Variants in ANKRD44 observed in about 807,000 individuals in gnomAD.
The protein encoded by ANKRD44 is ankyrin repeat domain 44.
In ANKRD44, 35 loss-of-function variants were observed where a neutral mutation model predicts 116.0. The observed-to-expected ratio is 0.30, with a 90% CI of 0.23 to 0.40. The LOEUF is 0.40. Among genes scored for constraint, ANKRD44 ranks in the 10% least tolerant of loss-of-function variants. ANKRD44 has a pLI of 1.00. For synonymous variants in ANKRD44, 435 were observed against 461.8 expected (o/e 0.94, Z 0.74); for missense variants, 1,014 against 1,242.6 (o/e 0.82, Z 2.77).
chr2:197,145,823 C>A (rs1344168828), intron 3 of ANKRD44, among the ~76,000 whole-genome samples: 1 of 152,156 alleles, frequency 6.6e-6, no homozygotes, highest in East Asian at 1.9e-4. Flanking sequence ...TGCTACAGTT[C>A]CCCTTTCCTT....
At chr2:196,998,762 A>C in intron 24 of ANKRD44, 145 bp downstream of exon 24, 1 of 1,111,008 alleles carries the variant, frequency 9.0e-7, no homozygotes, top group East Asian at 2.6e-5. Flanking sequence ...AAGACGCTTG[A>C]GCAGGTAGAA....
At position 197,125,433 on chromosome 2, in the gene ANKRD44, G is replaced by A. The variant is rs541978099; in HGVS notation, c.498C>T (p.Ile166=). ...VNLLLAKGAN[I]NAFDKKDRRA... is the part of the protein sequence containing the mutation. ...GCCGGTCCTTCTTGTCAAATGCATT[G>A]ATATTTGCCCCTTTGGCCAAGAGTA... Residue 166 remains isoleucine, a synonymous_variant, in exon 6 of 28, where the codon ATC becomes ATT. Transcript: ENST00000282272. 3.7e-6 allele frequency: 6 copies of A among 1,614,074 alleles called. No individual in the cohort carries two copies. In the South Asian group the frequency reaches 6.6e-5, roughly 18 times the overall value.
rs368695210 is a variant in ANKRD44, at chr2:197,090,096, T to C, written c.1101-64A>G. On this transcript the variant is annotated intron_variant, in intron 10 of 27. Transcript: ENST00000282272. ...TCTCAAGATACATGCGGAAGGACAATTACCTTTCTAGATTCTCTGATGAAA... is the reference window on the plus strand; with the variant it reads ...TCTCAAGATACATGCGGAAGGACAACTACCTTTCTAGATTCTCTGATGAAA... 1.8e-5 allele frequency: 23 copies of C among 1,261,520 alleles called. No individual in the cohort carries two copies. In the South Asian group the frequency reaches 2.4e-4, roughly 13 times the overall value. 78.1% of individuals were successfully genotyped at this position (1,261,520 alleles called of 1,614,324 possible). A position where few individuals can be genotyped will look rare whatever the true frequency, so the allele number is the denominator to read the frequency against.
chr2:197,068,691 G>T (rs1019392903), intron 16 of ANKRD44, among the ~76,000 whole-genome samples: 20 of 152,120 alleles, frequency 1.3e-4, no homozygotes. Context: ...CAACAGACAT[G>T]TGAAAAAATG....
intron 1 of ANKRD44, among the ~76,000 whole-genome samples, chr2:197,202,751 A>C (rs187424985): frequency 6.6e-6 from 1 of 151,980 alleles, no homozygotes; most frequent in East Asian, 1.9e-4. Flanking sequence ...TTTTTCTAAA[A>C]AATTTTTGTA....
chr2:197,267,056 AT>A (rs2082760164), intron 1 of ANKRD44, among the ~76,000 whole-genome samples: 1 of 148,376 alleles, frequency 6.7e-6, no homozygotes, highest in Non-Finnish European at 1.5e-5. Context: ...TTCATTAAAT[AT>A]TAGATGAATG....
At chr2:197,064,540 C>A (rs1315058467) in intron 16 of ANKRD44, among the ~76,000 whole-genome samples, 1 of 152,068 alleles carries the variant, frequency 6.6e-6, no homozygotes, top group South Asian at 2.1e-4. Flanking sequence ...CATCAGGGTG[C>A]TGTATTCAGG....
intron 9 of ANKRD44, among the ~76,000 whole-genome samples, chr2:197,104,150 T>A (rs1478197465): frequency 3.3e-5 from 5 of 152,198 alleles, no homozygotes; most frequent in Non-Finnish European, 7.3e-5. Flanking sequence ...AGACAAAGTC[T>A]TGCTTTGTCA....
At chr2:197,239,113 C>T (rs113235790) in intron 1 of ANKRD44, among the ~76,000 whole-genome samples, 7 of 152,314 alleles carry the variant, frequency 4.6e-5, no homozygotes, top group African/African-American at 1.4e-4. Context: ...GCAATCTCAC[C>T]CAATTCCAGG....
chr2:196,988,046 C>G lies in ANKRD44; in HGVS notation c.*1545G>C. The stretch of plus-strand genomic sequence containing the variant: ...TTGTGAGCATGATTTCATTTCGTTC[C>G]TTTGTCCTCCTTCTATGAGTAAGAG... On this transcript the variant is annotated 3_prime_UTR_variant, in exon 28 of 28. Coordinates refer to ENST00000282272, the MANE Select transcript of ANKRD44 (RefSeq NM_001195144.2). 5 of 985,284 alleles carry G rather than the reference C, an allele frequency of 5.1e-6. No homozygotes were observed. Among genetic ancestry groups the G allele is most frequent in the Non-Finnish European group, 6.0e-6 (5 of 829,918 alleles). The allele number at this position is 985,284 out of a possible 1,614,324, so 61.0% of individuals were successfully genotyped here. A position where few individuals can be genotyped will look rare whatever the true frequency, so the allele number is the denominator to read the frequency against.
At chr2:197,045,163 T>A (rs900963849) in intron 16 of ANKRD44, among the ~76,000 whole-genome samples, 2 of 152,108 alleles carry the variant, frequency 1.3e-5, no homozygotes, top group African/African-American at 4.8e-5. Context: ...CCTATGATAC[T>A]TTCATGGCTG....
chr2:197,242,449 CAA>C (rs1277148541), intron 1 of ANKRD44, among the ~76,000 whole-genome samples: 1 of 152,184 alleles, frequency 6.6e-6, no homozygotes, highest in Non-Finnish European at 1.5e-5. Context: ...CCAGGTTTCT[CAA>C]AAGAGACAGG....
intron 18 of ANKRD44, among the ~76,000 whole-genome samples, chr2:197,012,214 A>G (rs1304450159): frequency 6.6e-6 from 1 of 152,214 alleles, no homozygotes. Flanking sequence ...ATCCAAGCTG[A>G]CTGAGTCTTC....
At chr2:196,996,594 G>A (rs1227928524) in intron 25 of ANKRD44, among the ~76,000 whole-genome samples, 1 of 152,038 alleles carries the variant, frequency 6.6e-6, no homozygotes, top group Non-Finnish European at 1.5e-5. Context: ...CTCGTAAGAG[G>A]GCAAGTTGGT....
chr2:197,231,226 C>T (rs36059967), intron 1 of ANKRD44, among the ~76,000 whole-genome samples: 23,941 of 152,018 alleles, frequency 0.16, 2,399 homozygotes, highest in African/African-American at 0.29. Flanking sequence ...AGTTTCAGAC[C>T]AGCCTGGGCA....
chr2:197,066,390 T>C (rs1258433919), intron 16 of ANKRD44, among the ~76,000 whole-genome samples: 4 of 152,204 alleles, frequency 2.6e-5, no homozygotes, highest in African/African-American at 9.6e-5. Flanking sequence ...AAGACAGGGA[T>C]GCCCTCTCTC....
chr2:197,106,664 C>A (rs1016896263), intron 9 of ANKRD44, among the ~76,000 whole-genome samples: 2 of 150,026 alleles, frequency 1.3e-5, no homozygotes, highest in African/African-American at 4.9e-5. Context: ...GTGGCAGGCG[C>A]ATGTAGTCCC....
At chr2:197,041,494 C>A (rs2076911013) in intron 16 of ANKRD44, among the ~76,000 whole-genome samples, 1 of 152,136 alleles carries the variant, frequency 6.6e-6, no homozygotes, top group Non-Finnish European at 1.5e-5. Flanking sequence ...GACTGTATGG[C>A]CAGCACTTGC....
chr2:197,182,967 T>C (rs2080548039), intron 2 of ANKRD44, among the ~76,000 whole-genome samples: 1 of 151,802 alleles, frequency 6.6e-6, no homozygotes, highest in Non-Finnish European at 1.5e-5. Context: ...AGAAAGGAAG[T>C]GAGAAGTAGG....
Sources: allele counts gnomAD v4.1 joint callset (sites outside exome capture counted in the v4.1 genomes callset), GRCh38; gene constraint gnomAD v4.1.1; transcripts MANE v1.5; gene names NCBI Gene and HGNC (gene_info 2026-07-23, HGNC 2026-07-21).